The following MTHFD1L variants were observed in gnomAD, a reference collection of about 807,000 sequenced individuals.
MTHFD1L encodes methylenetetrahydrofolate dehydrogenase (NADP+ dependent) 1 like.
In MTHFD1L, 81 loss-of-function variants were observed where a neutral mutation model predicts 119.5. That is an observed-to-expected ratio of 0.68 (90% CI 0.57 to 0.82). The LOEUF is 0.82. Ranked by LOEUF, MTHFD1L falls within the 40% of genes least tolerant of loss-of-function variation. The probability of loss-of-function intolerance (pLI) is 0.00; values close to 1 mark genes in which losing one functional copy is unlikely to be tolerated. For missense variants in MTHFD1L, 1,125 were observed against 1,253.4 expected (o/e 0.90, Z 1.55); for synonymous variants, 430 against 475.2 (o/e 0.90, Z 1.24).
At position 150,866,245 on chromosome 6, in the gene MTHFD1L, G is replaced by A. The variant is rs1778275786; in HGVS notation, c.227+196G>A. On this transcript the variant is annotated intron_variant, in intron 1 of 27. Coordinates refer to ENST00000367321, the MANE Select transcript of MTHFD1L (RefSeq NM_015440.5). ...GCCGGGAGCGCTGGCGGAGAACGGG[G>A]GATCCAGTACCCGACCGGGCCCGCA... is the stretch of plus-strand genomic sequence containing the variant. 3 of 1,412,628 alleles carry A rather than the reference G, an allele frequency of 2.1e-6. No homozygotes were observed. The South Asian group carries it at 4.4e-5, about 21-fold the overall frequency. The allele number at this position is 1,412,628 out of a possible 1,614,324, so 87.5% of individuals were successfully genotyped here.
intron 20 of MTHFD1L, among the ~76,000 whole-genome samples, chr6:150,996,269 T>C (rs551576285): frequency 2.0e-5 from 3 of 152,218 alleles, no homozygotes; most frequent in Admixed American, 2.0e-4. Flanking sequence ...ACCAGTGGGG[T>C]AGGAAATAGC....
intron 20 of MTHFD1L, among the ~76,000 whole-genome samples, chr6:151,008,727 T>G (rs7752839): frequency 0.034 from 5,253 of 152,286 alleles, 319 homozygotes; most frequent in African/African-American, 0.12. Context: ...TGTATCCAGA[T>G]TGACCATCAG....
chr6:150,879,817 C>T (rs188053738), intron 4 of MTHFD1L, among the ~76,000 whole-genome samples: 18 of 151,928 alleles, frequency 1.2e-4, no homozygotes, highest in East Asian at 3.9e-4. Flanking sequence ...TTTGTAGAGA[C>T]GGGGTTTCAC....
At chr6:150,911,456 A>C (rs1248143889) in intron 8 of MTHFD1L, among the ~76,000 whole-genome samples, 1 of 152,234 alleles carries the variant, frequency 6.6e-6, no homozygotes, top group Admixed American at 6.5e-5. Context: ...TGCTATAAAG[A>C]AATACCTGAG....
At chr6:150,884,487 G>T (rs966457919) in intron 5 of MTHFD1L, among the ~76,000 whole-genome samples, 3 of 151,818 alleles carry the variant, frequency 2.0e-5, no homozygotes, top group African/African-American at 7.3e-5. Flanking sequence ...TTTAAAAAAC[G>T]ACAATCTCCA....
In MTHFD1L at chr6:151,092,459, T is replaced by C. The variant is rs552352097; in HGVS notation, c.2848-8T>C. The C allele has an allele frequency of 6.2e-6, 10 of 1,605,828 alleles. No homozygotes were observed. In the East Asian group the frequency reaches 2.0e-4, roughly 32 times the overall value. ...TGCTAATCTGTAACGCTTGGTTTTC[T>C]CCCCCAGATGAGCACCATGCCAGGA... On this transcript the variant is annotated splice_polypyrimidine_tract_variant and splice_region_variant and intron_variant, in intron 26 of 27. Coordinates refer to ENST00000367321, the MANE Select transcript of MTHFD1L (RefSeq NM_015440.5).
At chr6:150,919,636 A>T (rs1468311385) in intron 9 of MTHFD1L, among the ~76,000 whole-genome samples, 2 of 152,116 alleles carry the variant, frequency 1.3e-5, no homozygotes, top group Non-Finnish European at 2.9e-5. Flanking sequence ...CAGGCATCTC[A>T]CAAGGCGGGA....
At chr6:151,079,404 G>A (rs1321675762) in intron 26 of MTHFD1L, among the ~76,000 whole-genome samples, 3 of 152,070 alleles carry the variant, frequency 2.0e-5, no homozygotes, top group Admixed American at 6.6e-5. Context: ...GAATGCCACT[G>A]GGGGCAGGGC....
chr6:151,061,276 C>CT lies in MTHFD1L; in HGVS notation c.2847+24160dup, dbSNP rs552277560. Among the ~76,000 whole-genome samples, 176 of 152,274 alleles carry CT rather than the reference C, an allele frequency of 1.2e-3. 1 individual carries two copies. The highest frequency in any genetic ancestry group is 3.9e-3 in the African/African-American group (162 of 41,546). ...CTCAGGCGCAAGCTTCCAGAGTACT[C>CT]TCCCCATAGAGTCACACAAGATACA... On this transcript the variant is annotated intron_variant, in intron 26 of 27. Transcript: ENST00000367321.
chr6:151,029,693 G>A (rs1472291574), intron 24 of MTHFD1L, among the ~76,000 whole-genome samples: 1 of 152,158 alleles, frequency 6.6e-6, no homozygotes, highest in African/African-American at 2.4e-5. Flanking sequence ...CTACTTGGGA[G>A]GCTGAGGCAG....
chr6:151,044,000 G>T (rs1339733967), intron 26 of MTHFD1L, among the ~76,000 whole-genome samples: 1 of 152,182 alleles, frequency 6.6e-6, no homozygotes, highest in African/African-American at 2.4e-5. Flanking sequence ...ATAATATTTG[G>T]AATATCATCT....
chr6:150,948,901 A>C (rs1470023857), intron 15 of MTHFD1L, 130 bp from the exon 16 acceptor site: 2 of 738,564 alleles, frequency 2.7e-6, no homozygotes, highest in African/African-American at 3.5e-5. Flanking sequence ...TTGGCTTCCC[A>C]AAGTGCCAGT....
chr6:150,988,786 A>C (rs1168191289), intron 20 of MTHFD1L, among the ~76,000 whole-genome samples: 1 of 152,148 alleles, frequency 6.6e-6, no homozygotes, highest in Admixed American at 6.5e-5. Context: ...TTGTATTTTT[A>C]GTAGAGGTGG....
intron 19 of MTHFD1L, among the ~76,000 whole-genome samples, chr6:150,968,461 T>C (rs1477366759): frequency 6.6e-6 from 1 of 152,218 alleles, no homozygotes; most frequent in Non-Finnish European, 1.5e-5. Flanking sequence ...GATGAATACT[T>C]ATTATTAGGG....
At chr6:150,906,584 G>A (rs1785951452) in intron 8 of MTHFD1L, among the ~76,000 whole-genome samples, 1 of 152,216 alleles carries the variant, frequency 6.6e-6, no homozygotes. Flanking sequence ...GATTCCTTCT[G>A]GCTTTGGCCT....
At chr6:150,873,877 C>T (rs1779959366) in intron 1 of MTHFD1L, among the ~76,000 whole-genome samples, 1 of 152,088 alleles carries the variant, frequency 6.6e-6, no homozygotes, top group Admixed American at 6.6e-5. Flanking sequence ...ACCATGTTGG[C>T]CAGGATGGTC....
Position 151,036,993 on chromosome 6 carries a change from C to T in MTHFD1L, c.2723C>T (p.Ala908Val). ...QGFGNLPICM[A>V]KTHLSLSHQP... ...TTTGGAAATTTGCCCATCTGCATGG[C>T]AAAGACCCACCTTTCTCTATCTCAC... Residue 908 changes from alanine to valine, a missense_variant, in exon 26 of 28, where the codon GCA (alanine) becomes GTA (valine). Physicochemically the swap from Ala to Val is moderately conservative, Grantham distance 64. This residue lies in a region of MTHFD1L where 6 missense variants were observed against 23.3 expected (regional missense o/e 0.26). Coordinates refer to ENST00000367321, the MANE Select transcript of MTHFD1L (RefSeq NM_015440.5). The T allele has an allele frequency of 6.2e-7, 1 of 1,612,022 alleles. No homozygotes were observed. Among genetic ancestry groups the T allele is most frequent in the Non-Finnish European group, 8.5e-7 (1 of 1,179,872 alleles).
intron 7 of MTHFD1L, among the ~76,000 whole-genome samples, chr6:150,896,963 C>T (rs1784335498): frequency 6.6e-6 from 1 of 151,400 alleles, no homozygotes. Context: ...AATACAAAAA[C>T]AAAATTAGCA....
chr6:150,974,724 C>CTTTTTTTTTTTTTTTTTTTTT (rs58490721), intron 20 of MTHFD1L, among the ~76,000 whole-genome samples: 1 of 144,618 alleles, frequency 6.9e-6, no homozygotes. Context: ...AATTCTCTTC[C>CTTTTTTTTTTTTTTTTTTTTT]TTTTTTTTTT....
Sources: gnomAD v4.1 joint callset for allele counts (sites outside exome capture counted in the v4.1 genomes callset) on GRCh38, gnomAD v4.1.1 for gene constraint, gnomAD v4.1.1 regional missense constraint, MANE v1.5 for transcripts, NCBI Gene and HGNC (gene_info 2026-07-23, HGNC 2026-07-21) for gene names.